The following CSMD1 variants were observed in gnomAD, a reference collection of about 807,000 sequenced individuals.
CSMD1 encodes CUB and sushi domain-containing protein 1.
A neutral mutation model predicts 417.5 loss-of-function variants in CSMD1; 213 were observed. That is an observed-to-expected ratio of 0.51 (90% CI 0.46 to 0.57). The LOEUF (loss-of-function observed/expected upper bound fraction) is 0.57, where lower values mean the gene tolerates loss of function less well. Among genes scored for constraint, CSMD1 ranks in the 20% least tolerant of loss-of-function variants. The pLI, the probability that CSMD1 is intolerant of heterozygous loss-of-function variation, is 0.00. For missense variants in CSMD1, 6,923 were observed against 4,529.7 expected, an observed-to-expected ratio of 1.53 and a Z score of -15.17; for synonymous variants, 2,862 against 1,736.8, an observed-to-expected ratio of 1.65 and a Z score of -16.11.
chr8:4,171,777 T>A (rs890009218), intron 3 of CSMD1, among the ~76,000 whole-genome samples: 8 of 152,202 alleles, frequency 5.3e-5, no homozygotes, highest in Admixed American at 3.9e-4. Flanking sequence ...TGGCTCACAA[T>A]CCAATTTACT....
At chr8:3,566,915 C>T (rs1317549387) in intron 10 of CSMD1, among the ~76,000 whole-genome samples, 5 of 152,166 alleles carry the variant, frequency 3.3e-5, no homozygotes, top group Admixed American at 3.3e-4. Flanking sequence ...CTCAGCAATC[C>T]CATTACTGGG....
chr8:4,861,213 A>G (rs575717913), intron 1 of CSMD1, among the ~76,000 whole-genome samples: 11 of 152,256 alleles, frequency 7.2e-5, no homozygotes, highest in Non-Finnish European at 1.5e-5. Context: ...GCTCTAATCT[A>G]TTTCATTACT....
rs192404650 is a variant in CSMD1, at chr8:4,579,825, T to A, written c.302+57517A>T. Among the ~76,000 whole-genome samples the A allele has an allele frequency of 9.1e-4, 139 of 152,272 alleles. 2 individuals are homozygous for A. Among genetic ancestry groups the A allele is most frequent in the Non-Finnish European group, 4.1e-4 (28 of 68,010 alleles). The stretch of plus-strand genomic sequence containing the variant: ...CTTGTGTTCCATGTTTCTGTTAAAT[T>A]CTAGGATTCAATTCTCAGATAAACA... On this transcript the variant is annotated intron_variant, in intron 2 of 69. Transcript: ENST00000635120.
intron 2 of CSMD1, among the ~76,000 whole-genome samples, chr8:4,530,045 G>C (rs1796719258): frequency 6.6e-6 from 1 of 151,902 alleles, no homozygotes; most frequent in Non-Finnish European, 1.5e-5. Context: ...CTCCAGAGTA[G>C]CTGGGACTAC....
At chr8:3,731,663 T>C (rs1002308085) in intron 6 of CSMD1, among the ~76,000 whole-genome samples, 2 of 152,190 alleles carry the variant, frequency 1.3e-5, no homozygotes, top group Non-Finnish European at 2.9e-5. Flanking sequence ...TGCTCGGTAC[T>C]GGGAGGTCAG....
At chr8:4,126,266 G>A (rs1018843248) in intron 3 of CSMD1, among the ~76,000 whole-genome samples, 3 of 152,122 alleles carry the variant, frequency 2.0e-5, no homozygotes, top group Non-Finnish European at 2.9e-5. Flanking sequence ...GACCGGCTCT[G>A]CATGAATCAC....
chr8:4,273,521 G>C (rs1804731290), intron 3 of CSMD1, among the ~76,000 whole-genome samples: 1 of 151,990 alleles, frequency 6.6e-6, no homozygotes, highest in Admixed American at 6.6e-5. Context: ...AAGAATAGAG[G>C]ACATTCTATT....
chr8:3,468,794 A>T lies in CSMD1; in HGVS notation c.1479T>A (p.Ile493=). 1 of 1,603,150 alleles carries T rather than the reference A, an allele frequency of 6.2e-7. No individual in the cohort carries two copies. Among genetic ancestry groups the T allele is most frequent in the Non-Finnish European group, 8.5e-7 (1 of 1,174,892 alleles). The stretch of plus-strand genomic sequence containing the variant: ...GCCACATCTGGTTGCTCATGCTCAC[A>T]ATGAGGTCAGGAACACTGGATCCCG... ...VLTGSSVPDL[I]VSMSNQMWLH... is the part of the protein sequence containing the mutation. The change falls in exon 12 of 70, where the codon ATT becomes ATA. Residue 493 remains isoleucine (I), a synonymous_variant. Transcript: ENST00000635120.
intron 5 of CSMD1, among the ~76,000 whole-genome samples, chr8:3,907,466 G>T (rs2930373): frequency 0.21 from 32,394 of 152,060 alleles, 4,334 homozygotes; most frequent in African/African-American, 0.37. Flanking sequence ...ACACTTTAAG[G>T]CAGTATGGTA....
chr8:4,933,274 G>C lies in CSMD1; in HGVS notation c.85+61058C>G, dbSNP rs1335045390. On this transcript the variant is annotated intron_variant, in intron 1 of 69. Coordinates refer to ENST00000635120, the MANE Select transcript of CSMD1 (RefSeq NM_033225.6). The stretch of plus-strand genomic sequence containing the variant: ...ACTAGTAAATTTTAGAAAAGCAACA[G>C]CAACATTCTCTCAGAGGAGCACAAC... Among the ~76,000 whole-genome samples the C allele has an allele frequency of 2.6e-5, 4 of 152,108 alleles. No individual in the cohort carries two copies. In the East Asian group the frequency reaches 5.8e-4, roughly 22 times the overall value.
At chr8:3,154,213 T>A (rs1229335011) in intron 39 of CSMD1, among the ~76,000 whole-genome samples, 1 of 152,196 alleles carries the variant, frequency 6.6e-6, no homozygotes, top group African/African-American at 2.4e-5. Context: ...CCTCAGGTGA[T>A]CCACCTGCCT....
intron 1 of CSMD1, among the ~76,000 whole-genome samples, chr8:4,765,897 T>A (rs1812431749): frequency 1.3e-5 from 2 of 152,210 alleles, no homozygotes; most frequent in Non-Finnish European, 2.9e-5. Context: ...TACAAACATT[T>A]ATATCATTAA....
intron 5 of CSMD1, among the ~76,000 whole-genome samples, chr8:3,981,526 G>GAACATACA (rs1813869356): frequency 1.8e-5 from 1 of 56,378 alleles, no homozygotes; most frequent in East Asian, 4.6e-4. Flanking sequence ...AAAAAAAAAA[G>GAACATACA]AACATACAAT....
At chr8:4,930,512 G>A (rs545632193) in intron 1 of CSMD1, among the ~76,000 whole-genome samples, 11 of 152,156 alleles carry the variant, frequency 7.2e-5, no homozygotes, top group Admixed American at 2.6e-4. Flanking sequence ...AACTACAGCC[G>A]AGCATACAGC....
intron 26 of CSMD1, among the ~76,000 whole-genome samples, chr8:3,245,331 G>T (rs1018851676): frequency 1.3e-5 from 2 of 152,266 alleles, no homozygotes; most frequent in Non-Finnish European, 2.9e-5. Context: ...AGGAGCCTGT[G>T]TAAGGGCATT....
chr8:4,438,574 G>A (rs990196409), intron 2 of CSMD1, among the ~76,000 whole-genome samples: 2 of 152,142 alleles, frequency 1.3e-5, no homozygotes, highest in African/African-American at 4.8e-5. Flanking sequence ...GGGAGTGTGG[G>A]GAGCCCTGCA....
chr8:3,586,103 T>G (rs372207553), intron 9 of CSMD1, 33 bp downstream of exon 9: 37 of 1,593,702 alleles, frequency 2.3e-5, no homozygotes, highest in Non-Finnish European at 2.8e-5. Context: ...AAGAAAGAGA[T>G]AATCCAGGCT....
At position 3,407,269 on chromosome 8, in the gene CSMD1, T is replaced by C. The variant is rs189479464; in HGVS notation, c.2071+630A>G. Among the ~76,000 whole-genome samples the C allele has an allele frequency of 2.6e-5, 4 of 151,176 alleles. No homozygotes were observed. In the East Asian group the frequency reaches 7.9e-4, roughly 30 times the overall value. On this transcript the variant is annotated intron_variant, in intron 14 of 69. Coordinates refer to ENST00000635120, the MANE Select transcript of CSMD1 (RefSeq NM_033225.6). Reference sequence around the variant, plus strand: ...GAAGGATGAATGGAAGGATATGGATTGATAGATGGATGGAAGGATAAAAGG... The same window carrying C: ...GAAGGATGAATGGAAGGATATGGATCGATAGATGGATGGAAGGATAAAAGG...
chr8:4,060,448 G>C (rs1798914029), intron 3 of CSMD1, among the ~76,000 whole-genome samples: 1 of 152,130 alleles, frequency 6.6e-6, no homozygotes, highest in Admixed American at 6.6e-5. Context: ...GGCCATATTG[G>C]TGAATTTCTA....
Sources: gnomAD v4.1 joint callset for allele counts (sites outside exome capture counted in the v4.1 genomes callset) on GRCh38, gnomAD v4.1.1 for gene constraint, MANE v1.5 for transcripts, NCBI Gene and HGNC (gene_info 2026-07-23, HGNC 2026-07-21) for gene names.